The following VWA3B variants were observed in gnomAD, a reference collection of about 807,000 sequenced individuals.
VWA3B encodes the protein von Willebrand factor A domain containing 3B.
VWA3B carries 138 observed loss-of-function variants against 158.3 expected under a neutral mutation model. The ratio of observed to expected loss-of-function variants is 0.87; its 90% CI spans 0.76 to 1.00. The LOEUF is 1.00. Among genes scored for constraint, VWA3B ranks in the 50% least tolerant of loss-of-function variants. VWA3B has a pLI of 0.00. For synonymous variants in VWA3B, 596 were observed against 587.3 expected (o/e 1.01, Z -0.21); for missense variants, 1,555 against 1,565.1 (o/e 0.99, Z 0.11).
intron 8 of VWA3B, among the ~76,000 whole-genome samples, chr2:98,167,803 G>C (rs1046311459): frequency 6.6e-6 from 1 of 152,210 alleles, no homozygotes; most frequent in African/African-American, 2.4e-5. Context: ...ACCAAGAACA[G>C]TGCCTGTTTT....
chr2:98,250,713 A>G (rs1686746149), intron 20 of VWA3B, among the ~76,000 whole-genome samples: 1 of 152,092 alleles, frequency 6.6e-6, no homozygotes, highest in South Asian at 2.1e-4. Flanking sequence ...CAACAAGGTG[A>G]TTGCAATCAA....
chr2:98,243,971 ATTCAGTC>A, intron 19 of VWA3B, among the ~76,000 whole-genome samples: 1 of 152,308 alleles, frequency 6.6e-6, no homozygotes, highest in East Asian at 1.9e-4. Flanking sequence ...AAGTTGGAGA[ATTCAGTC>A]AGAGTTGAAC....
chr2:98,183,711 C>T (rs116317792), intron 9 of VWA3B, among the ~76,000 whole-genome samples: 149 of 152,208 alleles, frequency 9.8e-4, no homozygotes, highest in Non-Finnish European at 2.0e-3. Flanking sequence ...TGTGATATGG[C>T]GGAAGGCACA....
chr2:98,237,632 A>G (rs1173608610), intron 19 of VWA3B, among the ~76,000 whole-genome samples: 2 of 152,226 alleles, frequency 1.3e-5, no homozygotes, highest in African/African-American at 4.8e-5. Flanking sequence ...ATTCCAGTGG[A>G]ACGGCATTAC....
intron 18 of VWA3B, 28 bp from the exon 19 acceptor site, chr2:98,236,546 T>C: frequency 4.3e-6 from 7 of 1,613,902 alleles, no homozygotes; most frequent in Non-Finnish European, 5.9e-6. Flanking sequence ...GTTGTAAATT[T>C]TAAAACACCA....
intron 22 of VWA3B, among the ~76,000 whole-genome samples, chr2:98,271,596 A>G (rs188916608): frequency 1.3e-4 from 20 of 152,318 alleles, no homozygotes; most frequent in African/African-American, 4.6e-4. Context: ...GGTGATGGTT[A>G]CATAATATTC....
chr2:98,194,354 C>T lies in VWA3B; in HGVS notation c.1606-7C>T. On this transcript the variant is annotated splice_region_variant and splice_polypyrimidine_tract_variant and intron_variant, in intron 11 of 27. Coordinates refer to ENST00000477737, the MANE Select transcript of VWA3B (RefSeq NM_144992.5). ...TTTTATGGTTAAATAATCATTGTCT[C>T]TTTTAGGAACAGCTGAAATATAAAA... 1 of 1,613,042 alleles carries T rather than the reference C, an allele frequency of 6.2e-7. No individual in the cohort carries two copies. The highest frequency in any genetic ancestry group is 8.5e-7 in the Non-Finnish European group (1 of 1,179,252).
intron 7 of VWA3B, among the ~76,000 whole-genome samples, chr2:98,143,290 C>T (rs1676927179): frequency 6.6e-6 from 1 of 152,178 alleles, no homozygotes; most frequent in Non-Finnish European, 1.5e-5. Context: ...CCACCAGCCT[C>T]GGCCTCCCAA....
chr2:98,230,558 C>T (rs1234125774), intron 16 of VWA3B, among the ~76,000 whole-genome samples: 1 of 151,922 alleles, frequency 6.6e-6, no homozygotes, highest in South Asian at 2.1e-4. Context: ...TAGGTCTACA[C>T]GGTTTGATCA....
intron 23 of VWA3B, among the ~76,000 whole-genome samples, chr2:98,297,702 C>T (rs556077416): frequency 6.6e-6 from 1 of 152,216 alleles, no homozygotes; most frequent in East Asian, 1.9e-4. Context: ...AGCGGGTGCC[C>T]AGACCAGGCA....
intron 15 of VWA3B, chr2:98,229,068 G>A (rs556223561): frequency 6.6e-6 from 1 of 152,266 alleles, no homozygotes; most frequent in Admixed American, 6.5e-5. Context: ...ATTTGTATGG[G>A]CTTAAGGTAG....
At chr2:98,139,925 C>T (rs1028686256) in intron 7 of VWA3B, among the ~76,000 whole-genome samples, 1 of 152,188 alleles carries the variant, frequency 6.6e-6, no homozygotes, top group Non-Finnish European at 1.5e-5. Context: ...TGGGTCCATA[C>T]TGTTTTCATG....
chr2:98,323,021 G>A, the VWA3B span, among the ~76,000 whole-genome samples: 1 of 152,058 alleles, frequency 6.6e-6, no homozygotes, highest in Admixed American at 6.5e-5. Flanking sequence ...GAACACAACA[G>A]AATCCAGAAT....
At chr2:98,303,054 C>T (rs1279267368) in intron 25 of VWA3B, among the ~76,000 whole-genome samples, 1 of 152,168 alleles carries the variant, frequency 6.6e-6, no homozygotes, top group East Asian at 1.9e-4. Context: ...GAAGCCTTCC[C>T]CTTCCTGATG....
chr2:98,236,713 T>A lies in VWA3B; in HGVS notation c.2656T>A (p.Ser886Thr), dbSNP rs749674713. ...TCCCGTCCTGGACAAGCATGTCGTG[T>A]CTAAGGTCTTTGATGAGGTAAACTG... ...YVPVLDKHVV[S>T]KVFDEVFPLA... The change falls in exon 19 of 28, where the codon TCT (serine) becomes ACT (threonine). Residue 886 changes from serine (S) to threonine (T), a missense_variant. Transcript: ENST00000477737. 1.9e-6 allele frequency: 3 copies of A among 1,613,710 alleles called. No individual in the cohort carries two copies. In the South Asian group the frequency reaches 3.3e-5, roughly 18 times the overall value.
At chr2:98,134,148 T>G (rs1471312608) in intron 7 of VWA3B, among the ~76,000 whole-genome samples, 1 of 152,236 alleles carries the variant, frequency 6.6e-6, no homozygotes, top group Non-Finnish European at 1.5e-5. Flanking sequence ...GGAAATGGCC[T>G]AAGCGATGTG....
At chr2:98,104,697 T>A (rs1683315707) in intron 2 of VWA3B, among the ~76,000 whole-genome samples, 1 of 152,238 alleles carries the variant, frequency 6.6e-6, no homozygotes, top group Admixed American at 6.5e-5. Context: ...TACTATTTGC[T>A]TTCTATTTGT....
intron 21 of VWA3B, among the ~76,000 whole-genome samples, chr2:98,265,408 G>T (rs1292337527): frequency 6.6e-6 from 1 of 151,790 alleles, no homozygotes; most frequent in Non-Finnish European, 1.5e-5. Flanking sequence ...ATTCCATGGT[G>T]TATATGTGCC....
At chr2:98,203,846 C>T in intron 12 of VWA3B, among the ~76,000 whole-genome samples, 1 of 152,142 alleles carries the variant, frequency 6.6e-6, no homozygotes, top group South Asian at 2.1e-4. Context: ...TCCATATCTG[C>T]AAGTTCTGTG....
Sources: allele counts gnomAD v4.1 joint callset (sites outside exome capture counted in the v4.1 genomes callset), GRCh38; gene constraint gnomAD v4.1.1; transcripts MANE v1.5; gene names NCBI Gene and HGNC (gene_info 2026-07-23, HGNC 2026-07-21).